Variants in ELAVL2 observed in about 807,000 individuals in gnomAD.
The protein encoded by ELAVL2 is ELAV like RNA binding protein 2.
A neutral mutation model predicts 34.6 loss-of-function variants in ELAVL2; 4 were observed. That is an observed-to-expected ratio of 0.12 (90% CI 0.06 to 0.26). The LOEUF (loss-of-function observed/expected upper bound fraction) is 0.26. ELAVL2 is among the 10% of genes least tolerant of loss of function. The probability of loss-of-function intolerance (pLI) is 1.00; values close to 1 mark genes in which losing one functional copy is unlikely to be tolerated. For missense variants in ELAVL2, 432 were observed against 442.8 expected (o/e 0.98, Z 0.22); for synonymous variants, 193 against 154.8 (o/e 1.25, Z -1.83).
upstream of ELAVL2, among the ~76,000 whole-genome samples, chr9:23,830,552 A>T (rs2065465748): frequency 6.7e-6 from 1 of 150,066 alleles, no homozygotes; most frequent in Admixed American, 6.7e-5. Context: ...GTGTCGCGGT[A>T]AATCTTTGAG....
At chr9:23,839,964 T>C in the ELAVL2 span, among the ~76,000 whole-genome samples, 3 of 152,246 alleles carry the variant, frequency 2.0e-5, no homozygotes, top group African/African-American at 7.2e-5. Flanking sequence ...AGGTTGGAAA[T>C]TACAGCTATA....
intron 3 of ELAVL2, among the ~76,000 whole-genome samples, chr9:23,730,518 T>C (rs2046273023): frequency 1.3e-5 from 2 of 151,874 alleles, no homozygotes; most frequent in East Asian, 3.8e-4. Context: ...ATATTTGTAA[T>C]ACATAAACAT....
intron 1 of ELAVL2, among the ~76,000 whole-genome samples, chr9:23,819,341 C>CA (rs937091136): frequency 6.6e-5 from 10 of 151,676 alleles, no homozygotes; most frequent in African/African-American, 2.4e-4. Flanking sequence ...ACAAATCAAC[C>CA]AAAAAAACTA....
chr9:23,781,702 T>C (rs1234497273), intron 1 of ELAVL2, among the ~76,000 whole-genome samples: 38 of 151,740 alleles, frequency 2.5e-4, no homozygotes, highest in Non-Finnish European at 1.6e-4. Flanking sequence ...CTTTTTTTGT[T>C]TGTTTTTTGA....
upstream of ELAVL2, among the ~76,000 whole-genome samples, chr9:23,826,873 G>A (rs2065329786): frequency 6.6e-6 from 1 of 152,066 alleles, no homozygotes; most frequent in South Asian, 2.1e-4. Flanking sequence ...TAGATGTTAG[G>A]TAATTGTATG....
intron 2 of ELAVL2, among the ~76,000 whole-genome samples, chr9:23,756,208 A>C (rs1244040482): frequency 6.6e-6 from 1 of 152,168 alleles, no homozygotes; most frequent in Non-Finnish European, 1.5e-5. Flanking sequence ...AAACCTAGCT[A>C]AGAACACTCA....
intron 3 of ELAVL2, 49 bp from the exon 4 acceptor site, chr9:23,705,120 C>T (rs935449566): frequency 3.7e-6 from 6 of 1,604,524 alleles, no homozygotes; most frequent in African/African-American, 2.7e-5. Context: ...CACTCACCCA[C>T]CTCCCTTTAG....
intron 5 of ELAVL2, among the ~76,000 whole-genome samples, chr9:23,694,489 C>T (rs1307977211): frequency 1.3e-5 from 2 of 152,012 alleles, no homozygotes; most frequent in African/African-American, 4.8e-5. Flanking sequence ...CCACCCTCAA[C>T]TGCTACAATG....
At chr9:23,756,843 C>T (rs553616875) in intron 2 of ELAVL2, among the ~76,000 whole-genome samples, 1 of 152,246 alleles carries the variant, frequency 6.6e-6, no homozygotes, top group African/African-American at 2.4e-5. Context: ...TTGATAACTC[C>T]TAGCTAACGA....
chr9:23,803,925 A>T (rs1205900232), intron 1 of ELAVL2, among the ~76,000 whole-genome samples: 1 of 152,176 alleles, frequency 6.6e-6, no homozygotes, highest in Non-Finnish European at 1.5e-5. Context: ...TGGCATCCAC[A>T]TCCTAGTGTT....
At chr9:23,827,080 T>C (rs2065340974), upstream of ELAVL2, among the ~76,000 whole-genome samples, 1 of 152,128 alleles carries the variant, frequency 6.6e-6, no homozygotes, top group Non-Finnish European at 1.5e-5. Flanking sequence ...TGAGTAGAGC[T>C]AAGGTCCTTC....
At chr9:23,765,341 C>T (rs984415464) in intron 1 of ELAVL2, among the ~76,000 whole-genome samples, 8 of 152,164 alleles carry the variant, frequency 5.3e-5, no homozygotes, top group African/African-American at 1.9e-4. Context: ...AACTAGTTAT[C>T]TTGGCATCTA....
chr9:23,737,692 G>A (rs904816672), intron 2 of ELAVL2, among the ~76,000 whole-genome samples: 2 of 152,166 alleles, frequency 1.3e-5, no homozygotes, highest in Admixed American at 1.3e-4. Flanking sequence ...TGATTGATGT[G>A]TATCTATTAT....
At position 23,754,140 on chromosome 9, in the gene ELAVL2, A is replaced by T. The variant is rs75767952; in HGVS notation, c.229+7866T>A. Among the ~76,000 whole-genome samples the T allele has an allele frequency of 4.0e-5, 6 of 148,700 alleles. 1 individual carries two copies. The highest frequency in any genetic ancestry group is 2.7e-4 in the Admixed American group (4 of 15,062). ...TAACTGTCTCGTGGGAGTGACACAT[A>T]TTTTTTTTTACATTTTATTCTAACG... On this transcript the variant is annotated intron_variant, in intron 2 of 6. Transcript: ENST00000397312.
intron 1 of ELAVL2, chr9:23,821,845 T>C (rs1168084423): frequency 6.6e-6 from 1 of 150,998 alleles, no homozygotes; most frequent in Non-Finnish European, 1.5e-5. Context: ...GTCCCGCCGT[T>C]TGTAGCGGGG....
At chr9:23,791,129 AT>A (rs2060272355) in intron 1 of ELAVL2, among the ~76,000 whole-genome samples, 1 of 152,226 alleles carries the variant, frequency 6.6e-6, no homozygotes, top group African/African-American at 2.4e-5. Context: ...GAAGAAATCA[AT>A]TGTATATCAA....
At chr9:23,739,629 T>C (rs761636391) in intron 2 of ELAVL2, among the ~76,000 whole-genome samples, 5 of 151,850 alleles carry the variant, frequency 3.3e-5, no homozygotes, top group Non-Finnish European at 5.9e-5. Context: ...TGTTCAAGTA[T>C]ATACCATTTG....
chr9:23,702,951 C>CAAAAAAAAAAAAAAAAAACAAAAAAA (rs2037832887), intron 4 of ELAVL2, among the ~76,000 whole-genome samples: 1 of 47,626 alleles, frequency 2.1e-5, no homozygotes, highest in Non-Finnish European at 4.0e-5. Flanking sequence ...ATCAGATTAG[C>CAAAAAAAAAAAAAAAAAACAAAAAAA]AAAAAAAAAA....
chr9:23,766,448 T>A (rs1394599591), intron 1 of ELAVL2, among the ~76,000 whole-genome samples: 1 of 152,140 alleles, frequency 6.6e-6, no homozygotes, highest in Non-Finnish European at 1.5e-5. Context: ...ATGTCCTGAA[T>A]ACCTTCAGGA....
Sources: allele counts gnomAD v4.1 joint callset (sites outside exome capture counted in the v4.1 genomes callset), GRCh38; gene constraint gnomAD v4.1.1; transcripts MANE v1.5; gene names NCBI Gene and HGNC (gene_info 2026-07-23, HGNC 2026-07-21).